GPC5: variants seen among roughly 807,000 people sequenced by gnomAD.
The protein encoded by GPC5 is glypican-5.
A neutral mutation model predicts 53.9 loss-of-function variants in GPC5; 47 were observed. That is an observed-to-expected ratio of 0.87 (90% CI 0.69 to 1.11). GPC5 has a LOEUF of 1.11. Among genes scored for constraint, GPC5 ranks in the 50% most tolerant of loss-of-function variants. The probability of loss-of-function intolerance (pLI) is 0.00; values close to 1 mark genes in which losing one functional copy is unlikely to be tolerated. For synonymous variants in GPC5, 286 were observed against 263.3 expected (o/e 1.09, Z -0.84); for missense variants, 748 against 713.1 (o/e 1.05, Z -0.56).
At chr13:92,819,737 T>A (rs1594528340) in intron 7 of GPC5, among the ~76,000 whole-genome samples, 1 of 152,160 alleles carries the variant, frequency 6.6e-6, no homozygotes, top group Non-Finnish European at 1.5e-5. Context: ...ATTCAGAACA[T>A]GTGGTACAGT....
chr13:91,704,116 A>G (rs921242252), intron 3 of GPC5, among the ~76,000 whole-genome samples: 4 of 152,036 alleles, frequency 2.6e-5, no homozygotes, highest in Non-Finnish European at 5.9e-5. Flanking sequence ...ATACTATTGT[A>G]TTGCAGTCCA....
chr13:91,683,169 A>G (rs1339656869), intron 2 of GPC5, among the ~76,000 whole-genome samples: 2 of 152,168 alleles, frequency 1.3e-5, no homozygotes, highest in African/African-American at 2.4e-5. Context: ...GATTTCACAC[A>G]TGAATACACG....
chr13:92,389,660 G>A (rs1429588188), intron 7 of GPC5, among the ~76,000 whole-genome samples: 1 of 152,022 alleles, frequency 6.6e-6, no homozygotes, highest in Non-Finnish European at 1.5e-5. Context: ...CTACTAGTAG[G>A]GAGACTATGG....
intron 5 of GPC5, among the ~76,000 whole-genome samples, chr13:91,786,602 A>G (rs1444439929): frequency 6.6e-6 from 1 of 151,982 alleles, no homozygotes; most frequent in Admixed American, 6.6e-5. Context: ...CGTGTTTTTC[A>G]TATCGTGATT....
At chr13:92,132,865 A>C (rs1277398115) in intron 6 of GPC5, among the ~76,000 whole-genome samples, 1 of 152,162 alleles carries the variant, frequency 6.6e-6, no homozygotes, top group Non-Finnish European at 1.5e-5. Flanking sequence ...AATTGAAATA[A>C]ATATCACAGA....
intron 7 of GPC5, among the ~76,000 whole-genome samples, chr13:92,199,320 T>C (rs545400743): frequency 1.6e-4 from 25 of 152,210 alleles, no homozygotes; most frequent in African/African-American, 6.0e-4. Flanking sequence ...TAAAAAGATA[T>C]GTAAAATATC....
chr13:92,225,802 T>C (rs760511820), intron 7 of GPC5, among the ~76,000 whole-genome samples: 1 of 152,230 alleles, frequency 6.6e-6, no homozygotes, highest in Admixed American at 6.5e-5. Context: ...TTTATGTCTT[T>C]TTTTTCTTTA....
At chr13:91,522,277 C>T (rs1284490458) in intron 2 of GPC5, among the ~76,000 whole-genome samples, 2 of 152,160 alleles carry the variant, frequency 1.3e-5, no homozygotes, top group African/African-American at 2.4e-5. Flanking sequence ...TTGGTCTTTC[C>T]TGTGACCAGT....
At chr13:92,625,625 C>A (rs78355168) in intron 7 of GPC5, among the ~76,000 whole-genome samples, 200 of 152,288 alleles carry the variant, frequency 1.3e-3, no homozygotes, top group African/African-American at 4.5e-3. Context: ...CTAACGAAGA[C>A]CTTTTAGGAC....
At chr13:92,258,048 C>T (rs1200054061) in intron 7 of GPC5, among the ~76,000 whole-genome samples, 1 of 151,936 alleles carries the variant, frequency 6.6e-6, no homozygotes, top group African/African-American at 2.4e-5. Context: ...CATTAATTGC[C>T]TCTCAAGTAT....
At chr13:91,418,104 G>A (rs775649902) in intron 1 of GPC5, among the ~76,000 whole-genome samples, 5 of 152,022 alleles carry the variant, frequency 3.3e-5, no homozygotes, top group African/African-American at 4.8e-5. Flanking sequence ...TGTCTGTACC[G>A]CCTGCCCATC....
rs2040537764 is a variant in GPC5, at chr13:91,999,720, T to G, written c.1401+91663T>G. Among the ~76,000 whole-genome samples the G allele has an allele frequency of 1.3e-5, 2 of 152,206 alleles. 1 individual carries two copies. Among genetic ancestry groups the G allele is most frequent in the South Asian group, 4.1e-4 (2 of 4,836 alleles). On this transcript the variant is annotated intron_variant, in intron 6 of 7. Transcript: ENST00000377067. ...TTCTAGATGAACAATCTCATCATGTTTGTCAGAATTCACTTCTATTATTTT... is the reference window on the plus strand; with the variant it reads ...TTCTAGATGAACAATCTCATCATGTGTGTCAGAATTCACTTCTATTATTTT...
At chr13:91,719,741 T>A (rs1309734276) in intron 3 of GPC5, among the ~76,000 whole-genome samples, 2 of 152,218 alleles carry the variant, frequency 1.3e-5, no homozygotes, top group African/African-American at 4.8e-5. Context: ...TTTTGCCAAT[T>A]TTAGAATAAA....
intron 2 of GPC5, among the ~76,000 whole-genome samples, chr13:91,572,243 GTATA>G (rs757639351): frequency 7.1e-6 from 1 of 140,688 alleles, no homozygotes; most frequent in African/African-American, 2.9e-5. Flanking sequence ...ATATACATGT[GTATA>G]TATATACACA....
chr13:91,559,106 A>G (rs2031118411), intron 2 of GPC5, among the ~76,000 whole-genome samples: 1 of 151,992 alleles, frequency 6.6e-6, no homozygotes, highest in African/African-American at 2.4e-5. Flanking sequence ...GGAATTTGGG[A>G]TTGGTTTGGT....
At chr13:92,677,426 T>G (rs1418191580) in intron 7 of GPC5, among the ~76,000 whole-genome samples, 1 of 152,180 alleles carries the variant, frequency 6.6e-6, no homozygotes, top group African/African-American at 2.4e-5. Flanking sequence ...GAATGTACAG[T>G]GTCAGTTCAT....
chr13:92,353,999 C>T (rs1455562163), intron 7 of GPC5, among the ~76,000 whole-genome samples: 2 of 152,106 alleles, frequency 1.3e-5, no homozygotes, highest in Non-Finnish European at 2.9e-5. Flanking sequence ...TTGTTATATG[C>T]CTAATGTTCA....
At chr13:91,954,586 C>T (rs1242442369) in intron 6 of GPC5, among the ~76,000 whole-genome samples, 1 of 151,990 alleles carries the variant, frequency 6.6e-6, no homozygotes, top group East Asian at 1.9e-4. Context: ...AAGGGGAAAT[C>T]CCTTAACATG....
At chr13:91,539,203 T>C (rs918778576) in intron 2 of GPC5, among the ~76,000 whole-genome samples, 1 of 152,224 alleles carries the variant, frequency 6.6e-6, no homozygotes, top group African/African-American at 2.4e-5. Context: ...GAAAAGCTTT[T>C]TTTTAAAAGC....
Sources: allele counts gnomAD v4.1 joint callset (sites outside exome capture counted in the v4.1 genomes callset), GRCh38; gene constraint gnomAD v4.1.1; transcripts MANE v1.5; gene names NCBI Gene and HGNC (gene_info 2026-07-23, HGNC 2026-07-21).